SMAD7: variants seen among roughly 807,000 people sequenced by gnomAD.
The protein encoded by SMAD7 is SMAD family member 7.
SMAD7 carries 8 observed loss-of-function variants against 38.7 expected under a neutral mutation model. That is an observed-to-expected ratio of 0.21 (90% CI 0.12 to 0.37). The LOEUF is 0.37. SMAD7 is among the 10% of genes least tolerant of loss of function. The probability of loss-of-function intolerance (pLI) is 1.00; values close to 1 mark genes in which losing one functional copy is unlikely to be tolerated. For synonymous variants in SMAD7, 327 were observed against 265.1 expected, an observed-to-expected ratio of 1.23 and a Z score of -2.27; for missense variants, 477 against 577.9, an observed-to-expected ratio of 0.83 and a Z score of 1.79.
chr18:48,941,865 G>A (rs980523590), intron 3 of SMAD7, among the ~76,000 whole-genome samples: 4 of 152,126 alleles, frequency 2.6e-5, no homozygotes, highest in Admixed American at 6.5e-5. Flanking sequence ...AGGCCTTCAC[G>A]CATACCTGTG....
Position 48,950,798 on chromosome 18 carries a change from C to T in SMAD7, c.-374G>A, listed in dbSNP as rs1014351841. 1 of 151,124 alleles carries T rather than the reference C, an allele frequency of 6.6e-6. No homozygotes were observed. Among genetic ancestry groups the T allele is most frequent in the Non-Finnish European group, 1.5e-5 (1 of 67,736 alleles). 9.4% of individuals were successfully genotyped at this position (151,124 alleles called of 1,614,324 possible). A position where few individuals can be genotyped will look rare whatever the true frequency, so the allele number is the denominator to read the frequency against. On this transcript the variant is annotated 5_prime_UTR_variant, in exon 1 of 4. Coordinates refer to ENST00000262158, the MANE Select transcript of SMAD7 (RefSeq NM_005904.4). ...CGTCGGCGCCTCCCCAAAAAGAGGC[C>T]CCCCCGCAGTGGCTCCCGAATGTCG...
intron 3 of SMAD7, among the ~76,000 whole-genome samples, chr18:48,925,435 C>CG (rs61045794): frequency 0.46 from 69,082 of 151,656 alleles, 16,154 homozygotes; most frequent in South Asian, 0.69. Context: ...AGGTGTTGCC[C>CG]CCCCCCAACC....
chr18:48,945,679 C>T (rs995588839), intron 2 of SMAD7, among the ~76,000 whole-genome samples: 4 of 152,198 alleles, frequency 2.6e-5, no homozygotes, highest in African/African-American at 9.7e-5. Flanking sequence ...CACCAGACTT[C>T]CGATCTGGAT....
At chr18:48,947,753 C>A (rs1015884659) in intron 2 of SMAD7, among the ~76,000 whole-genome samples, 2 of 152,242 alleles carry the variant, frequency 1.3e-5, no homozygotes, top group Non-Finnish European at 2.9e-5. Context: ...AAATGGGCTT[C>A]TGCCATGGCT....
intron 3 of SMAD7, among the ~76,000 whole-genome samples, chr18:48,931,572 C>G (rs755032738): frequency 6.6e-6 from 1 of 152,228 alleles, no homozygotes; most frequent in Non-Finnish European, 1.5e-5. Flanking sequence ...GAACTACAAC[C>G]TTTTTATTTT....
intron 3 of SMAD7, among the ~76,000 whole-genome samples, chr18:48,928,159 G>A (rs1483139354): frequency 6.6e-6 from 1 of 152,208 alleles, no homozygotes; most frequent in African/African-American, 2.4e-5. Flanking sequence ...TTGGCCAAGT[G>A]GCTTGCCCTC....
intron 3 of SMAD7, among the ~76,000 whole-genome samples, chr18:48,928,144 T>C (rs1254441598): frequency 1.3e-5 from 2 of 152,232 alleles, no homozygotes; most frequent in African/African-American, 4.8e-5. Flanking sequence ...AGCTGCTCTG[T>C]GACCTTGGCC....
Position 48,920,010 on chromosome 18 carries a change from TTTTC to T in SMAD7, c.*1358_*1361del, listed in dbSNP as rs754655289. The T allele has an allele frequency of 7.8e-4, 119 of 152,754 alleles. No homozygotes were observed. Among genetic ancestry groups the T allele is most frequent in the Non-Finnish European group, 1.4e-3 (93 of 68,030 alleles). The allele number at this position is 152,754 out of a possible 1,614,324, so 9.5% of individuals were successfully genotyped here. On this transcript the variant is annotated 3_prime_UTR_variant, in exon 4 of 4. Transcript: ENST00000262158. ...CATTTATATTAAAGCAAAGTGCATC[TTTTC>T]TTTATTTTTCTTGTTTATACACATT...
chr18:48,948,288 C>A, intron 2 of SMAD7, 96 bp downstream of exon 2: 2 of 759,728 alleles, frequency 2.6e-6, no homozygotes, highest in South Asian at 3.6e-5. Context: ...AAGCCCAGCA[C>A]CTCCCCAAGC....
At chr18:48,933,735 T>A (rs1321325875) in intron 3 of SMAD7, 2 of 152,210 alleles carry the variant, frequency 1.3e-5, no homozygotes, top group Non-Finnish European at 1.5e-5. Flanking sequence ...CACTGAGAGG[T>A]GTTTCCAAGG....
In SMAD7 at chr18:48,950,038, G is replaced by A. The variant is rs749128093; in HGVS notation, c.387C>T (p.Pro129=). 6.9e-6 allele frequency: 10 copies of A among 1,447,152 alleles called. No individual in the cohort carries two copies. Among genetic ancestry groups the A allele is most frequent in the African/African-American group, 3.0e-5 (2 of 66,944 alleles). 89.6% of individuals were successfully genotyped at this position (1,447,152 alleles called of 1,614,324 possible). A position where few individuals can be genotyped will look rare whatever the true frequency, so the allele number is the denominator to read the frequency against. Residue 129 remains proline, a synonymous_variant, in exon 1 of 4, where the codon CCC becomes CCT. Coordinates refer to ENST00000262158, the MANE Select transcript of SMAD7 (RefSeq NM_005904.4). ...GGTRTACLLL[P]GRLDCRLGPG... is the part of the protein sequence containing the mutation. ...GGCCCAGCCTGCAGTCCAGGCGGCC[G>A]GGCAGCAGGAGGCACGCGGTGCGCG...
chr18:48,939,604 G>C (rs1429930066), intron 3 of SMAD7, among the ~76,000 whole-genome samples: 1 of 150,312 alleles, frequency 6.7e-6, no homozygotes, highest in Non-Finnish European at 1.5e-5. Context: ...ACATTCGGCT[G>C]TTTTTTCTTT....
rs921081914 is a variant in SMAD7 at position 48,950,033 on chromosome 18, C to G, written c.392G>C (p.Arg131Pro). Residue 131 changes from arginine (R) to proline (P), a missense_variant, in exon 1 of 4, where the codon CGC becomes CCC. Around this residue, in one of 2 missense-constraint regions of SMAD7, gnomAD observed 376 missense variants for 379.4 expected, o/e 0.99. Transcript: ENST00000262158. ...TRTACLLLPG[R>P]LDCRLGPGAP... ...CCCCGGGCCCAGCCTGCAGTCCAGGCGGCCGGGCAGCAGGAGGCACGCGGT... is the reference window on the plus strand; with the variant it reads ...CCCCGGGCCCAGCCTGCAGTCCAGGGGGCCGGGCAGCAGGAGGCACGCGGT... The G allele has an allele frequency of 6.9e-7, 1 of 1,457,252 alleles. No homozygotes were observed. Among genetic ancestry groups the G allele is most frequent in the Non-Finnish European group, 9.0e-7 (1 of 1,107,966 alleles). The allele number at this position is 1,457,252 out of a possible 1,614,324, so 90.3% of individuals were successfully genotyped here. A position where few individuals can be genotyped will look rare whatever the true frequency, so the allele number is the denominator to read the frequency against.
chr18:48,921,551 C>A lies in SMAD7; in HGVS notation c.1102G>T (p.Ala368Ser). The A allele has an allele frequency of 1.2e-6, 2 of 1,614,230 alleles. No homozygotes were observed. Among genetic ancestry groups the A allele is most frequent in the Non-Finnish European group, 1.7e-6 (2 of 1,180,048 alleles). Reference sequence around the variant, plus strand: ...CTGTACGCCTTCTCGTAGTCGAAAGCCTTGATGGAGAAACCGGGGAACACC... The same window carrying A: ...CTGTACGCCTTCTCGTAGTCGAAAGACTTGATGGAGAAACCGGGGAACACC... ...HKVFPGFSIK[A>S]FDYEKAYSLQ... is the part of the protein sequence containing the mutation. The change falls in exon 4 of 4, where the codon GCT becomes TCT. Residue 368 changes from alanine (A) to serine (S), a missense_variant. Transcript: ENST00000262158. This position sits in a 1 kb window ranked among gnomAD's most constrained non-coding sequence, Gnocchi z 6.4.
chr18:48,929,569 T>TCTCTCTCACACACACACACACACACACA (rs3082710), intron 3 of SMAD7, among the ~76,000 whole-genome samples: 3 of 114,558 alleles, frequency 2.6e-5, no homozygotes, highest in East Asian at 2.7e-4. Flanking sequence ...TCTCTCTCTC[T>TCTCTCTCACACACACACACACACACACA]CACTCACACA....
intron 2 of SMAD7, among the ~76,000 whole-genome samples, chr18:48,946,346 C>T (rs1599235980): frequency 6.6e-6 from 1 of 151,374 alleles, no homozygotes; most frequent in East Asian, 1.9e-4. Context: ...GGATGAAGAC[C>T]TGGGTCAGCG....
rs746486558 is a variant in SMAD7, at chr18:48,921,376, C to T, written c.1277G>A (p.Arg426Gln). ...CTCTGTCCCCTCCGCACGCGGCTAC[C>T]GGCTGTTGAAGATGACCTCTAGCCA... is the stretch of plus-strand genomic sequence containing the variant. ...PCWLEVIFNS[R>Q] Residue 426 changes from arginine (R) to glutamine (Q), a missense_variant, in exon 4 of 4, where the codon CGG becomes CAG. By Grantham distance (43) the Arg-to-Gln change is conservative. This residue lies in a region of SMAD7 where 101 missense variants were observed against 198.5 expected (regional missense o/e 0.51). Transcript: ENST00000262158. This position sits in a 1 kb window ranked among gnomAD's most constrained non-coding sequence, Gnocchi z 6.4. 10 of 1,608,696 alleles carry T rather than the reference C, an allele frequency of 6.2e-6. No homozygotes were observed. The highest frequency in any genetic ancestry group is 2.2e-5 in the East Asian group (1 of 44,736).
At chr18:48,933,481 T>G (rs530341270) in intron 3 of SMAD7, 2 of 152,330 alleles carry the variant, frequency 1.3e-5, no homozygotes, top group Admixed American at 1.3e-4. Flanking sequence ...ACATAATAGG[T>G]GTCAATACAT....
chr18:48,924,021 C>T (rs933259872), intron 3 of SMAD7, among the ~76,000 whole-genome samples: 1 of 152,138 alleles, frequency 6.6e-6, no homozygotes, highest in Non-Finnish European at 1.5e-5. Flanking sequence ...GACCTGAACG[C>T]CCAGGGAAGG....
Sources: allele counts gnomAD v4.1 joint callset (sites outside exome capture counted in the v4.1 genomes callset), GRCh38; gene constraint gnomAD v4.1.1; regional missense constraint gnomAD v4.1.1; non-coding constraint Gnocchi (gnomAD v3.1); transcripts MANE v1.5; gene names NCBI Gene and HGNC (gene_info 2026-07-23, HGNC 2026-07-21).